STX12: variants seen among roughly 807,000 people sequenced by gnomAD.
STX12 encodes syntaxin-12.
STX12 carries 17 observed loss-of-function variants against 42.2 expected under a neutral mutation model. The ratio of observed to expected loss-of-function variants is 0.40; its 90% confidence interval spans 0.28 to 0.60. The LOEUF is 0.60. Among genes scored for constraint, STX12 ranks in the 20% least tolerant of loss-of-function variants. The pLI, the probability that STX12 is intolerant of heterozygous loss-of-function variation, is 0.39. For missense variants in STX12, 297 were observed against 330.9 expected (o/e 0.90, Z 0.79); for synonymous variants, 108 against 116.7 (o/e 0.93, Z 0.48).
intron 6 of STX12, among the ~76,000 whole-genome samples, chr1:27,814,380 T>G (rs2088925839): frequency 6.6e-6 from 1 of 151,012 alleles, no homozygotes; most frequent in Non-Finnish European, 1.5e-5. Context: ...AAATAAAAAA[T>G]TAACCGGGTG....
intron 6 of STX12, among the ~76,000 whole-genome samples, chr1:27,814,107 G>A (rs2088922507): frequency 6.6e-6 from 1 of 152,142 alleles, no homozygotes; most frequent in Non-Finnish European, 1.5e-5. Context: ...TGCCATTTTG[G>A]CCAGGCTGGT....
intron 6 of STX12, among the ~76,000 whole-genome samples, chr1:27,813,108 A>G (rs984616227): frequency 6.6e-6 from 1 of 152,098 alleles, no homozygotes; most frequent in Admixed American, 6.6e-5. Flanking sequence ...GTTGAGGGAG[A>G]AGTCTGTAGG....
intron 1 of STX12, among the ~76,000 whole-genome samples, chr1:27,778,818 T>C (rs1225913680): frequency 6.6e-6 from 1 of 152,180 alleles, no homozygotes; most frequent in Non-Finnish European, 1.5e-5. Context: ...TGGAATGCAG[T>C]GTGCAATCGT....
intron 3 of STX12, among the ~76,000 whole-genome samples, chr1:27,794,541 C>G (rs2088771689): frequency 6.6e-6 from 1 of 151,988 alleles, no homozygotes. Context: ...ATTCATTGTT[C>G]CCTTAATATG....
intron 4 of STX12, among the ~76,000 whole-genome samples, chr1:27,803,122 G>T (rs1265205385): frequency 1.3e-5 from 2 of 152,132 alleles, no homozygotes; most frequent in Non-Finnish European, 2.9e-5. Flanking sequence ...TGGAGTTATA[G>T]AGTGAGAATA....
intron 1 of STX12, among the ~76,000 whole-genome samples, chr1:27,779,261 T>C (rs1223825934): frequency 6.6e-6 from 1 of 152,186 alleles, no homozygotes; most frequent in Admixed American, 6.5e-5. Flanking sequence ...GTTTTTATTA[T>C]ACTGCTCACT....
chr1:27,814,434 C>T (rs1459888409), intron 6 of STX12, among the ~76,000 whole-genome samples: 1 of 79,418 alleles, frequency 1.3e-5, no homozygotes, highest in Admixed American at 1.2e-4. Context: ...GAGCCTGAGG[C>T]AGAAGATCAC....
At chr1:27,805,309 T>G (rs1369399084) in intron 4 of STX12, among the ~76,000 whole-genome samples, 1 of 152,188 alleles carries the variant, frequency 6.6e-6, no homozygotes, top group Non-Finnish European at 1.5e-5. Context: ...TTATTACATA[T>G]TAACATGAAT....
In STX12 at chr1:27,782,171, C is replaced by T. The variant is rs556415913; in HGVS notation, c.119-7391C>T. Among the ~76,000 whole-genome samples the T allele has an allele frequency of 7.9e-5, 12 of 152,166 alleles. No individual in the cohort carries two copies. In the South Asian group the frequency reaches 1.0e-3, roughly 13 times the overall value. On this transcript the variant is annotated intron_variant, in intron 1 of 8. Coordinates refer to ENST00000373943, the MANE Select transcript of STX12 (RefSeq NM_177424.3). ...GGATGTGCCAGTAGTACAGTGGTAC[C>T]GTCATAGGTCACTGCAACCTTGAAC...
chr1:27,786,829 T>A, intron 1 of STX12, among the ~76,000 whole-genome samples: 1 of 152,382 alleles, frequency 6.6e-6, no homozygotes, highest in East Asian at 1.9e-4. Flanking sequence ...ATTCATGCCC[T>A]CTTTCATAAA....
At chr1:27,809,718 A>G (rs1571530238) in intron 4 of STX12, among the ~76,000 whole-genome samples, 1 of 152,048 alleles carries the variant, frequency 6.6e-6, no homozygotes, top group Admixed American at 6.6e-5. Context: ...TCAGCCTCCC[A>G]AAGTGCTGGG....
intron 4 of STX12, among the ~76,000 whole-genome samples, chr1:27,807,256 T>A (rs2088868185): frequency 6.6e-6 from 1 of 152,206 alleles, no homozygotes; most frequent in Non-Finnish European, 1.5e-5. Flanking sequence ...TAAATTATTA[T>A]TGACGATAGT....
At chr1:27,806,516 C>T (rs2088863526) in intron 4 of STX12, among the ~76,000 whole-genome samples, 1 of 152,090 alleles carries the variant, frequency 6.6e-6, no homozygotes, top group South Asian at 2.1e-4. Context: ...TTTCACAATA[C>T]AGAATAGTAG....
At chr1:27,777,314 G>A (rs2088633834) in intron 1 of STX12, among the ~76,000 whole-genome samples, 1 of 143,352 alleles carries the variant, frequency 7.0e-6, no homozygotes, top group South Asian at 2.1e-4. Flanking sequence ...GCTGGGAAAG[G>A]CATTCTAGGT....
intron 1 of STX12, among the ~76,000 whole-genome samples, chr1:27,782,475 A>T (rs2088674031): frequency 6.6e-6 from 1 of 152,128 alleles, no homozygotes; most frequent in Admixed American, 6.5e-5. Flanking sequence ...GGAAAATTAT[A>T]CCTTTGATAT....
intron 4 of STX12, among the ~76,000 whole-genome samples, chr1:27,807,006 G>A (rs189774091): frequency 1.2e-3 from 187 of 152,182 alleles, no homozygotes; most frequent in African/African-American, 4.2e-3. Context: ...AATTCGAGAC[G>A]AGATTTGAGT....
At chr1:27,810,171 C>A in intron 4 of STX12, 75 bp from the exon 5 acceptor site, 1 of 1,382,014 alleles carries the variant, frequency 7.2e-7, no homozygotes, top group Non-Finnish European at 1.0e-6. Flanking sequence ...TTATACTGTG[C>A]TAAGGAAGCC....
intron 4 of STX12, chr1:27,810,036 G>T: frequency 2.0e-6 from 1 of 498,672 alleles, no homozygotes; most frequent in Non-Finnish European, 3.6e-6. Context: ...TATGGTTTCT[G>T]TTCAGGACTC....
At chr1:27,813,762 T>C (rs182391536) in intron 6 of STX12, among the ~76,000 whole-genome samples, 5 of 152,336 alleles carry the variant, frequency 3.3e-5, no homozygotes, top group Admixed American at 2.0e-4. Context: ...TTTTATATGG[T>C]TCAAACTAAT....
Sources: gnomAD v4.1 joint callset for allele counts (sites outside exome capture counted in the v4.1 genomes callset) on GRCh38, gnomAD v4.1.1 for gene constraint, MANE v1.5 for transcripts, NCBI Gene and HGNC (gene_info 2026-07-23, HGNC 2026-07-21) for gene names.